PTPRT: variants seen among roughly 807,000 people sequenced by gnomAD.
PTPRT encodes protein tyrosine phosphatase receptor type T, also known as receptor-type tyrosine-protein phosphatase T.
Under a neutral mutation model 176.8 loss-of-function variants are expected in PTPRT, and 56 were observed. The observed-to-expected ratio is 0.32, with a 90% CI of 0.26 to 0.40. The LOEUF (loss-of-function observed/expected upper bound fraction) is 0.40, where lower values mean the gene tolerates loss of function less well. Ranked by LOEUF, PTPRT falls within the 10% of genes least tolerant of loss-of-function variation. The pLI, the probability that PTPRT is intolerant of heterozygous loss-of-function variation, is 1.00. For synonymous variants in PTPRT, 783 were observed against 739.0 expected (o/e 1.06, Z -0.96); for missense variants, 1,540 against 1,908.2 (o/e 0.81, Z 3.60).
At chr20:42,990,847 T>C (rs1983869298) in intron 1 of PTPRT, among the ~76,000 whole-genome samples, 1 of 151,652 alleles carries the variant, frequency 6.6e-6, no homozygotes, top group Admixed American at 6.6e-5. Flanking sequence ...AAAAGGGGAG[T>C]TTGCAGAGTT....
At chr20:42,858,746 C>T (rs1336391330) in intron 2 of PTPRT, among the ~76,000 whole-genome samples, 3 of 152,136 alleles carry the variant, frequency 2.0e-5, no homozygotes, top group African/African-American at 7.2e-5. Flanking sequence ...TATAGAAGCC[C>T]AACTGGACTG....
chr20:43,018,700 A>C (rs549114242), intron 1 of PTPRT, among the ~76,000 whole-genome samples: 4 of 152,382 alleles, frequency 2.6e-5, no homozygotes, highest in South Asian at 4.1e-4. Context: ...AGATTTGAAC[A>C]GGTAATTTAT....
chr20:42,110,220 G>GTA, intron 23 of PTPRT, 113 bp downstream of exon 23: 1 of 1,006,710 alleles, frequency 9.9e-7, no homozygotes, highest in Non-Finnish European at 1.4e-6. Flanking sequence ...CTAAGTTTTT[G>GTA]TATCTTTCTT....
intron 1 of PTPRT, among the ~76,000 whole-genome samples, chr20:43,103,099 A>G (rs1343933552): frequency 6.6e-6 from 1 of 152,066 alleles, no homozygotes; most frequent in Non-Finnish European, 1.5e-5. Flanking sequence ...AACTCGTGCC[A>G]TCTGCCAAAC....
intron 1 of PTPRT, among the ~76,000 whole-genome samples, chr20:42,973,927 G>A (rs979287594): frequency 1.3e-5 from 2 of 152,184 alleles, no homozygotes; most frequent in African/African-American, 4.8e-5. Context: ...GAAGAGAGAT[G>A]CTAATCAGGA....
chr20:42,980,615 G>C (rs1230152529), intron 1 of PTPRT, among the ~76,000 whole-genome samples: 1 of 152,164 alleles, frequency 6.6e-6, no homozygotes, highest in Admixed American at 6.5e-5. Context: ...ATTGTGTGTG[G>C]TCTTGAAGGA....
intron 1 of PTPRT, among the ~76,000 whole-genome samples, chr20:43,098,551 T>TC (rs1320822776): frequency 2.0e-5 from 3 of 151,592 alleles, no homozygotes; most frequent in Non-Finnish European, 2.9e-5. Context: ...TTTTTTCTTT[T>TC]TTTTTTTTTT....
chr20:43,020,609 C>T (rs1985628181), intron 1 of PTPRT, among the ~76,000 whole-genome samples: 1 of 152,158 alleles, frequency 6.6e-6, no homozygotes, highest in Admixed American at 6.5e-5. Flanking sequence ...CCAACCCTGC[C>T]ATGCCCCACC....
At chr20:42,748,670 A>C (rs1384760909) in intron 6 of PTPRT, among the ~76,000 whole-genome samples, 1 of 152,132 alleles carries the variant, frequency 6.6e-6, no homozygotes, top group Non-Finnish European at 1.5e-5. Flanking sequence ...GCCAACTGTC[A>C]AATAGCTAAT....
At chr20:42,975,918 C>A (rs1318556643) in intron 1 of PTPRT, among the ~76,000 whole-genome samples, 7 of 148,864 alleles carry the variant, frequency 4.7e-5, no homozygotes, top group African/African-American at 1.8e-4. Context: ...TCCAACTTAC[C>A]CCCCCACCAA....
chr20:42,510,856 C>G (rs1379753275), intron 7 of PTPRT, among the ~76,000 whole-genome samples: 1 of 152,122 alleles, frequency 6.6e-6, no homozygotes, highest in Non-Finnish European at 1.5e-5. Context: ...TTAGCAAAGG[C>G]CTTGCCTGTT....
At chr20:42,799,723 C>G (rs1257022645) in intron 2 of PTPRT, among the ~76,000 whole-genome samples, 1 of 152,228 alleles carries the variant, frequency 6.6e-6, no homozygotes, top group Non-Finnish European at 1.5e-5. Context: ...AGACTCTTCA[C>G]CTCTTCCTAT....
intron 1 of PTPRT, among the ~76,000 whole-genome samples, chr20:42,936,022 A>T (rs1047158403): frequency 6.6e-6 from 1 of 152,238 alleles, no homozygotes; most frequent in Admixed American, 6.5e-5. Flanking sequence ...TACTGAGAGT[A>T]CAGGTGACCA....
chr20:42,704,996 G>A (rs756406144), intron 6 of PTPRT, among the ~76,000 whole-genome samples: 23 of 151,974 alleles, frequency 1.5e-4, no homozygotes, highest in African/African-American at 4.3e-4. Flanking sequence ...ACCTGAGGTC[G>A]GAAGTTCGAG....
intron 16 of PTPRT, among the ~76,000 whole-genome samples, chr20:42,194,592 G>T (rs535879583): frequency 6.6e-6 from 1 of 152,270 alleles, no homozygotes; most frequent in South Asian, 2.1e-4. Context: ...GAAGATTTAA[G>T]CACCAGAAGA....
chr20:42,368,882 C>A (rs115359729), intron 9 of PTPRT, among the ~76,000 whole-genome samples: 4 of 152,264 alleles, frequency 2.6e-5, no homozygotes, highest in Admixed American at 6.5e-5. Flanking sequence ...TCACTGTTAG[C>A]CTCAGAGGGG....
chr20:42,818,779 C>G (rs2077836898), intron 2 of PTPRT, among the ~76,000 whole-genome samples: 1 of 152,052 alleles, frequency 6.6e-6, no homozygotes. Context: ...GCCAAACTGA[C>G]CACGCGGAAG....
At chr20:42,745,618 C>A (rs1299008614) in intron 6 of PTPRT, among the ~76,000 whole-genome samples, 8 of 152,180 alleles carry the variant, frequency 5.3e-5, no homozygotes, top group African/African-American at 1.9e-4. Context: ...AGTGACTGGA[C>A]AAAGGCAATG....
intron 7 of PTPRT, among the ~76,000 whole-genome samples, chr20:42,652,034 C>T (rs973807827): frequency 2.0e-5 from 3 of 149,070 alleles, no homozygotes; most frequent in South Asian, 2.1e-4. Flanking sequence ...GGCAACAGAG[C>T]GAGACTCCAC....
Sources: allele counts gnomAD v4.1 joint callset (sites outside exome capture counted in the v4.1 genomes callset), GRCh38; gene constraint gnomAD v4.1.1; transcripts MANE v1.5; gene names NCBI Gene and HGNC (gene_info 2026-07-23, HGNC 2026-07-21).